SDK2: variants seen among roughly 807,000 people sequenced by gnomAD.
The protein encoded by SDK2 is sidekick cell adhesion molecule 2.
SDK2 carries 105 observed loss-of-function variants against 253.9 expected under a neutral mutation model. That is an observed-to-expected ratio of 0.41 (90% CI 0.35 to 0.49). The LOEUF (loss-of-function observed/expected upper bound fraction) is 0.49. Ranked by LOEUF, SDK2 falls within the 20% of genes least tolerant of loss-of-function variation. SDK2 has a pLI of 0.06. For missense variants in SDK2, 2,608 were observed against 3,003.0 expected, an observed-to-expected ratio of 0.87 and a Z score of 3.07; for synonymous variants, 1,249 against 1,234.9, an observed-to-expected ratio of 1.01 and a Z score of -0.24.
In SDK2 at chr17:73,383,188, C is replaced by T. The variant is rs536254380; in HGVS notation, c.4705+688G>A. 2.6e-5 allele frequency among the ~76,000 whole-genome samples: 4 copies of T among 152,350 alleles called. No homozygotes were observed. The South Asian group carries it at 6.2e-4, about 24-fold the overall frequency. On this transcript the variant is annotated intron_variant, in intron 33 of 44. Transcript: ENST00000392650. The surrounding 1 kb of genome is among the most constrained non-coding windows in gnomAD (Gnocchi z 4.3). The stretch of plus-strand genomic sequence containing the variant: ...CAACAGCCTCTATCTGGGCGCCTGC[C>T]TCTGGCTCTCCATCCTCCCACCATG...
intron 38 of SDK2, among the ~76,000 whole-genome samples, chr17:73,364,145 G>A (rs112634023): frequency 2.6e-5 from 4 of 152,274 alleles, no homozygotes; most frequent in African/African-American, 7.2e-5. Flanking sequence ...AGTGAGGAAC[G>A]CAGTTTCCTT....
intron 6 of SDK2, among the ~76,000 whole-genome samples, chr17:73,440,108 CTT>C (rs112008765): frequency 8.8e-4 from 122 of 138,644 alleles, no homozygotes; most frequent in Non-Finnish European, 9.8e-4. Flanking sequence ...AGCCCATACT[CTT>C]TTTTTTTTTT....
intron 5 of SDK2, among the ~76,000 whole-genome samples, chr17:73,441,290 G>A (rs570547614): frequency 2.0e-5 from 3 of 150,538 alleles, no homozygotes; most frequent in Non-Finnish European, 4.4e-5. Context: ...CATTGTCCAC[G>A]TCCTCCACCA....
intron 36 of SDK2, among the ~76,000 whole-genome samples, chr17:73,371,817 G>A (rs369057718): frequency 8.5e-5 from 13 of 152,080 alleles, no homozygotes; most frequent in Middle Eastern, 3.4e-3. Flanking sequence ...AAAATTAGCC[G>A]GGCATGGTGG....
In SDK2 at chr17:73,465,968, C is replaced by G. The variant is rs987506353; in HGVS notation, c.331+6144G>C. The stretch of plus-strand genomic sequence containing the variant: ...GTAAGGAGACAGACGGATTGGCAGA[C>G]AGGCAGCTGCAGCAGGCCTGAAGCA... On this transcript the variant is annotated intron_variant, in intron 3 of 44. Transcript: ENST00000392650. This position sits in a 1 kb window ranked among gnomAD's most constrained non-coding sequence, Gnocchi z 4.2. 6.6e-6 allele frequency among the ~76,000 whole-genome samples: 1 copy of G among 152,198 alleles called. No individual in the cohort carries two copies. The highest frequency in any genetic ancestry group is 1.5e-5 in the Non-Finnish European group (1 of 68,050).
rs1200775827 is a variant in SDK2, at chr17:73,443,813, T to C, written c.614-2890A>G. Among the ~76,000 whole-genome samples, 1 of 152,142 alleles carries C rather than the reference T, an allele frequency of 6.6e-6. No homozygotes were observed. The highest frequency in any genetic ancestry group is 1.5e-5 in the Non-Finnish European group (1 of 68,018). On this transcript the variant is annotated intron_variant, in intron 5 of 44. Transcript: ENST00000392650. This position sits in a 1 kb window ranked among gnomAD's most constrained non-coding sequence, Gnocchi z 4.6. ...AGTCTTCTCAGGGGGGAAATGGGGA[T>C]GAAAGTCACTACCTCTCAGGGTTGT...
chr17:73,405,493 T>A (rs1177420125), intron 18 of SDK2, among the ~76,000 whole-genome samples: 3 of 92,778 alleles, frequency 3.2e-5, no homozygotes, highest in Admixed American at 1.2e-4. Flanking sequence ...TATATATATA[T>A]ATATATATAT....
intron 1 of SDK2, among the ~76,000 whole-genome samples, chr17:73,596,528 G>A (rs931200413): frequency 2.6e-5 from 4 of 152,076 alleles, no homozygotes; most frequent in Admixed American, 1.3e-4. Context: ...ATTCTCTCTG[G>A]CCTCCCTGTC....
intron 38 of SDK2, among the ~76,000 whole-genome samples, chr17:73,363,914 C>T (rs1281296601): frequency 3.3e-5 from 5 of 151,998 alleles, no homozygotes; most frequent in Admixed American, 3.3e-4. Context: ...TTCTAACACA[C>T]AGCTCCCCTT....
chr17:73,483,661 G>GTGTGTGTGTGTGTA (rs1388091890), intron 2 of SDK2, among the ~76,000 whole-genome samples: 2 of 70,190 alleles, frequency 2.8e-5, no homozygotes, highest in African/African-American at 6.2e-5. Context: ...GTGTGTGTGT[G>GTGTGTGTGTGTGTA]TATATATATA....
intron 44 of SDK2, among the ~76,000 whole-genome samples, chr17:73,343,295 G>C (rs962597145): frequency 6.6e-6 from 1 of 152,250 alleles, no homozygotes; most frequent in Non-Finnish European, 1.5e-5. Flanking sequence ...CCAGGCAGGC[G>C]AGAGTCTGGT....
intron 1 of SDK2, among the ~76,000 whole-genome samples, chr17:73,597,526 G>A (rs749601813): frequency 1.3e-5 from 2 of 152,108 alleles, no homozygotes; most frequent in Non-Finnish European, 2.9e-5. Flanking sequence ...GGACATTACC[G>A]TCCTGTCTCT....
intron 36 of SDK2, among the ~76,000 whole-genome samples, chr17:73,369,717 G>A (rs1282933161): frequency 1.3e-5 from 2 of 152,162 alleles, no homozygotes; most frequent in Non-Finnish European, 2.9e-5. Context: ...GGAGTGCTGT[G>A]GTGCGATCTT....
At chr17:73,469,175 C>A (rs571931283) in intron 3 of SDK2, among the ~76,000 whole-genome samples, 1 of 152,288 alleles carries the variant, frequency 6.6e-6, no homozygotes, top group Non-Finnish European at 1.5e-5. Context: ...GAGCCCCCAG[C>A]CTGCCAACAC....
chr17:73,548,291 G>A (rs1308075246), intron 1 of SDK2, among the ~76,000 whole-genome samples: 3 of 152,216 alleles, frequency 2.0e-5, no homozygotes, highest in Admixed American at 6.5e-5. Context: ...GCAGCTTGGA[G>A]AATTCTAGTG....
At chr17:73,368,348 C>A in intron 37 of SDK2, 59 bp downstream of exon 37, 1 of 1,352,602 alleles carries the variant, frequency 7.4e-7, no homozygotes, top group East Asian at 2.9e-5. Flanking sequence ...CCAGGTAGGT[C>A]CTCTTGCAAC....
intron 39 of SDK2, among the ~76,000 whole-genome samples, chr17:73,358,522 T>C (rs2062612536): frequency 1.3e-5 from 2 of 152,184 alleles, no homozygotes; most frequent in African/African-American, 4.8e-5. Context: ...TGGGTGATTT[T>C]GATCAATTCA....
At chr17:73,530,679 C>T (rs1312953312) in intron 1 of SDK2, among the ~76,000 whole-genome samples, 1 of 152,180 alleles carries the variant, frequency 6.6e-6, no homozygotes, top group Admixed American at 6.5e-5. Flanking sequence ...ACATGCATCC[C>T]TTTCACCTGG....
Position 73,423,993 on chromosome 17 carries a change from C to T in SDK2, c.1683G>A (p.Ser561=), listed in dbSNP as rs539492511. The change falls in exon 13 of 45, where the codon TCG becomes TCA. Residue 561 remains serine (S), a synonymous_variant. Coordinates refer to ENST00000392650, the MANE Select transcript of SDK2 (RefSeq NM_001144952.2). ...NGSLHISQTW[S]GDIGTYTCRV... ...GGCAGGTGTACGTGCCGATGTCTCC[C>T]GACCACGTCTGTGAGATGTGCAGGG... 1.2e-5 allele frequency: 19 copies of T among 1,610,566 alleles called. No individual in the cohort carries two copies. Among genetic ancestry groups the T allele is most frequent in the South Asian group, 5.5e-5 (5 of 90,272 alleles).
Sources: allele counts gnomAD v4.1 joint callset (sites outside exome capture counted in the v4.1 genomes callset), GRCh38; gene constraint gnomAD v4.1.1; non-coding constraint Gnocchi (gnomAD v3.1); transcripts MANE v1.5; gene names NCBI Gene and HGNC (gene_info 2026-07-23, HGNC 2026-07-21).